The following LPP variants were observed in gnomAD, a reference collection of about 807,000 sequenced individuals.
LPP encodes the protein LIM domain containing preferred translocation partner in lipoma.
In LPP, 38 loss-of-function variants were observed where a neutral mutation model predicts 60.4. The observed-to-expected ratio is 0.63, with a 90% CI of 0.49 to 0.83. The LOEUF is 0.83. Ranked by LOEUF, LPP falls within the 40% of genes least tolerant of loss-of-function variation. The probability of loss-of-function intolerance (pLI) is 0.00; values close to 1 mark genes in which losing one functional copy is unlikely to be tolerated. For missense variants in LPP, 902 were observed against 783.6 expected (o/e 1.15, Z -1.80); for synonymous variants, 328 against 290.8 (o/e 1.13, Z -1.30).
intron 2 of LPP, among the ~76,000 whole-genome samples, chr3:188,317,668 G>A (rs538990849): frequency 6.6e-6 from 1 of 152,208 alleles, no homozygotes; most frequent in Non-Finnish European, 1.5e-5. Flanking sequence ...CAACTAAGCA[G>A]GGTTGTGAGA....
chr3:188,218,896 G>A (rs1003524083), intron 1 of LPP, among the ~76,000 whole-genome samples: 4 of 152,092 alleles, frequency 2.6e-5, no homozygotes, highest in Non-Finnish European at 5.9e-5. Flanking sequence ...GGATTACTGG[G>A]TCATTTAAAA....
At chr3:188,279,573 C>A (rs1181839419) in intron 2 of LPP, among the ~76,000 whole-genome samples, 2 of 152,208 alleles carry the variant, frequency 1.3e-5, no homozygotes, top group Non-Finnish European at 1.5e-5. Flanking sequence ...TCCTCATTCA[C>A]TATAAAAGTA....
chr3:188,553,157 C>T (rs147126028), intron 6 of LPP, among the ~76,000 whole-genome samples: 8 of 152,230 alleles, frequency 5.3e-5, no homozygotes, highest in African/African-American at 1.7e-4. Context: ...AACCATCCTT[C>T]GCATTTTAAA....
chr3:188,484,569 T>A (rs752705439), intron 4 of LPP, 23 bp from the exon 5 acceptor site: 1 of 1,517,980 alleles, frequency 6.6e-7, no homozygotes, highest in Non-Finnish European at 9.1e-7. Context: ...ATTAACTTCA[T>A]GTTGTTTACT....
chr3:188,365,597 G>A (rs1365006392), intron 3 of LPP, among the ~76,000 whole-genome samples: 1 of 152,044 alleles, frequency 6.6e-6, no homozygotes, highest in East Asian at 1.9e-4. Flanking sequence ...TGTGAGACTG[G>A]AATTCAGGCA....
intron 4 of LPP, among the ~76,000 whole-genome samples, chr3:188,459,735 C>T (rs1798568301): frequency 1.3e-5 from 2 of 152,110 alleles, no homozygotes; most frequent in Admixed American, 1.3e-4. Flanking sequence ...TATGACAATA[C>T]TCAACACCAA....
chr3:188,505,469 A>G (rs1813193674), intron 5 of LPP, among the ~76,000 whole-genome samples: 1 of 152,006 alleles, frequency 6.6e-6, no homozygotes, highest in African/African-American at 2.4e-5. Context: ...TTCTTTATCT[A>G]ATTATTTGAA....
chr3:188,476,692 G>A (rs570914646), intron 4 of LPP, among the ~76,000 whole-genome samples: 2 of 152,126 alleles, frequency 1.3e-5, no homozygotes, highest in East Asian at 3.9e-4. Flanking sequence ...TAATAGTAAT[G>A]TTTTCTAGTT....
intron 1 of LPP, among the ~76,000 whole-genome samples, chr3:188,158,767 T>C (rs1266357333): frequency 2.0e-5 from 3 of 152,198 alleles, no homozygotes; most frequent in Non-Finnish European, 2.9e-5. Flanking sequence ...CATTCAAACT[T>C]CTGCCTCATT....
rs114985635 is a variant in LPP at position 188,624,259 on chromosome 3, G to A, written c.1113+14415G>A. The stretch of plus-strand genomic sequence containing the variant: ...TTGCATTAAAAGAAATTATATCACC[G>A]TTGAAGAGCTGATCAGAGAAAGGGT... On this transcript the variant is annotated intron_variant, in intron 7 of 11. Coordinates refer to ENST00000617246, the MANE Select transcript of LPP (RefSeq NM_001375462.1). 4.1e-3 allele frequency among the ~76,000 whole-genome samples: 630 copies of A among 152,248 alleles called. 5 individuals carry two copies. The highest frequency in any genetic ancestry group is 0.015 in the African/African-American group (605 of 41,556).
intron 9 of LPP, among the ~76,000 whole-genome samples, chr3:188,850,775 G>C (rs1233970568): frequency 6.6e-6 from 1 of 152,178 alleles, no homozygotes; most frequent in Non-Finnish European, 1.5e-5. Flanking sequence ...AAGCAGCAGT[G>C]CCTGGAGTGC....
chr3:188,406,061 T>G, intron 3 of LPP, 51 bp from the exon 4 acceptor site: 1 of 1,474,654 alleles, frequency 6.8e-7, no homozygotes, highest in Non-Finnish European at 9.4e-7. Flanking sequence ...ATGAGGAGTA[T>G]TGTCTTCGTT....
At chr3:188,765,733 G>T (rs964927896) in intron 9 of LPP, among the ~76,000 whole-genome samples, 2 of 151,676 alleles carry the variant, frequency 1.3e-5, no homozygotes, top group Non-Finnish European at 2.9e-5. Flanking sequence ...TTGAGATGTG[G>T]TCTTGCTGTT....
intron 7 of LPP, among the ~76,000 whole-genome samples, chr3:188,613,130 C>T (rs1419723872): frequency 6.6e-6 from 1 of 151,938 alleles, no homozygotes; most frequent in Non-Finnish European, 1.5e-5. Context: ...GTTCTCTTCT[C>T]ACTGGAAATC....
intron 7 of LPP, among the ~76,000 whole-genome samples, chr3:188,665,456 TC>T (rs1560032398): frequency 1.2e-4 from 11 of 89,924 alleles, no homozygotes; most frequent in Middle Eastern, 5.1e-3. Context: ...TTCTTCTTCT[TC>T]TTCTTTTTTT....
intron 10 of LPP, among the ~76,000 whole-genome samples, chr3:188,869,747 G>A (rs1560319024): frequency 6.6e-6 from 1 of 152,200 alleles, no homozygotes; most frequent in Non-Finnish European, 1.5e-5. Context: ...TGCACTTTGT[G>A]TAACAAGGTT....
At chr3:188,771,167 T>C (rs1007646311) in intron 9 of LPP, among the ~76,000 whole-genome samples, 1 of 152,130 alleles carries the variant, frequency 6.6e-6, no homozygotes, top group Non-Finnish European at 1.5e-5. Flanking sequence ...TATTATAACA[T>C]TGTAGAATTC....
At chr3:188,475,625 G>T (rs115963232) in intron 4 of LPP, among the ~76,000 whole-genome samples, 24 of 152,258 alleles carry the variant, frequency 1.6e-4, no homozygotes, top group Middle Eastern at 3.4e-3. Context: ...AAAGCAGGCC[G>T]GGCGTGGTGG....
intron 6 of LPP, among the ~76,000 whole-genome samples, chr3:188,578,600 A>T (rs1835317434): frequency 6.7e-6 from 1 of 148,850 alleles, no homozygotes; most frequent in South Asian, 2.2e-4. Flanking sequence ...CTTTAAGGAA[A>T]CTAACTTTAG....
Sources: gnomAD v4.1 joint callset for allele counts (sites outside exome capture counted in the v4.1 genomes callset) on GRCh38, gnomAD v4.1.1 for gene constraint, MANE v1.5 for transcripts, NCBI Gene and HGNC (gene_info 2026-07-23, HGNC 2026-07-21) for gene names.